EYS: variants seen among roughly 807,000 people sequenced by gnomAD.
The protein encoded by EYS is EGF-like photoreceptor maintenance factor.
Under a neutral mutation model 282.1 loss-of-function variants are expected in EYS, and 250 were observed. The observed-to-expected ratio is 0.89, with a 90% CI of 0.80 to 0.98. EYS has a LOEUF of 0.98. Among genes scored for constraint, EYS ranks in the 50% least tolerant of loss-of-function variants. The probability of loss-of-function intolerance (pLI) is 0.00; values close to 1 mark genes in which losing one functional copy is unlikely to be tolerated. For missense variants in EYS, 4,016 were observed against 3,709.0 expected, an observed-to-expected ratio of 1.08 and a Z score of -2.15; for synonymous variants, 1,355 against 1,282.9, an observed-to-expected ratio of 1.06 and a Z score of -1.20.
intron 29 of EYS, among the ~76,000 whole-genome samples, chr6:64,313,354 A>C: frequency 9.2e-6 from 1 of 108,448 alleles, no homozygotes; most frequent in East Asian, 2.5e-4. Flanking sequence ...AAAGAAATGA[A>C]CAAAGTCTCC....
intron 31 of EYS, among the ~76,000 whole-genome samples, chr6:64,198,507 T>G (rs1229294029): frequency 6.6e-6 from 1 of 152,036 alleles, no homozygotes; most frequent in Non-Finnish European, 1.5e-5. Context: ...CCCCTGGGTT[T>G]GATGTTCCCC....
intron 29 of EYS, among the ~76,000 whole-genome samples, chr6:64,362,215 T>C (rs961275215): frequency 9.2e-5 from 14 of 151,738 alleles, no homozygotes; most frequent in African/African-American, 1.9e-4. Context: ...CAGTAAGACA[T>C]AGAAAAATAA....
chr6:64,627,136 C>G (rs555849092), intron 22 of EYS, among the ~76,000 whole-genome samples: 1 of 152,150 alleles, frequency 6.6e-6, no homozygotes, highest in South Asian at 2.1e-4. Context: ...ACAGATTTGT[C>G]GAGTGCCTAC....
At chr6:65,295,521 T>C (rs930274962) in intron 12 of EYS, among the ~76,000 whole-genome samples, 11 of 151,906 alleles carry the variant, frequency 7.2e-5, no homozygotes, top group African/African-American at 2.7e-4. Context: ...AAACAAAAGG[T>C]TGAAATGCAG....
chr6:64,918,717 C>G (rs1768240719), intron 15 of EYS, among the ~76,000 whole-genome samples: 1 of 152,136 alleles, frequency 6.6e-6, no homozygotes, highest in Non-Finnish European at 1.5e-5. Flanking sequence ...GTGGGCTTCA[C>G]ATTCACTATT....
chr6:65,228,632 G>A lies in EYS; in HGVS notation c.2023+67231C>T, dbSNP rs1018915246. Reference sequence around the variant, plus strand: ...CTCCACAAATTGATCTACAGATTAAGTATAGTCCCAGTGAAAATCCTAGCA... The same window carrying A: ...CTCCACAAATTGATCTACAGATTAAATATAGTCCCAGTGAAAATCCTAGCA... On this transcript the variant is annotated intron_variant, in intron 12 of 42. Coordinates refer to ENST00000503581, the MANE Select transcript of EYS (RefSeq NM_001142800.2). Among the ~76,000 whole-genome samples, 5 of 152,102 alleles carry A rather than the reference G, an allele frequency of 3.3e-5. No individual in the cohort carries two copies. The East Asian group carries it at 5.8e-4, about 18-fold the overall frequency.
chr6:64,188,600 G>A (rs1030650480), intron 31 of EYS, among the ~76,000 whole-genome samples: 3 of 151,984 alleles, frequency 2.0e-5, no homozygotes, highest in Non-Finnish European at 4.4e-5. Context: ...GCATTAAATC[G>A]GATAATTTAG....
At chr6:65,243,337 A>G (rs2150277348) in intron 12 of EYS, among the ~76,000 whole-genome samples, 1 of 152,304 alleles carries the variant, frequency 6.6e-6, no homozygotes, top group East Asian at 1.9e-4. Flanking sequence ...TATACTGTCA[A>G]CTATCACAGC....
chr6:63,736,162 T>C (rs1411789280), intron 41 of EYS, among the ~76,000 whole-genome samples: 1 of 152,236 alleles, frequency 6.6e-6, no homozygotes, highest in Non-Finnish European at 1.5e-5. Context: ...TCCTTGCCCA[T>C]GCCTATGTCC....
At chr6:65,114,664 T>C (rs1775315702) in intron 12 of EYS, among the ~76,000 whole-genome samples, 1 of 151,920 alleles carries the variant, frequency 6.6e-6, no homozygotes, top group Non-Finnish European at 1.5e-5. Flanking sequence ...TTCTTTGTGG[T>C]ATGCTATTTC....
chr6:63,842,935 C>T (rs982960684), intron 36 of EYS, among the ~76,000 whole-genome samples: 2 of 152,158 alleles, frequency 1.3e-5, no homozygotes, highest in Admixed American at 1.3e-4. Context: ...GGTGTTATGT[C>T]TGAGGACTCT....
intron 29 of EYS, among the ~76,000 whole-genome samples, chr6:64,359,010 G>A (rs574318872): frequency 4.6e-5 from 7 of 151,400 alleles, no homozygotes; most frequent in Non-Finnish European, 7.4e-5. Flanking sequence ...TAAAAGTTTC[G>A]GGCATTTAAG....
At chr6:63,757,240 C>T (rs947797389) in intron 41 of EYS, among the ~76,000 whole-genome samples, 3 of 151,996 alleles carry the variant, frequency 2.0e-5, no homozygotes, top group African/African-American at 4.8e-5. Flanking sequence ...TATAAATGGC[C>T]GCTCTGGCAG....
At chr6:64,749,332 C>T (rs1454334418) in intron 22 of EYS, among the ~76,000 whole-genome samples, 11 of 152,050 alleles carry the variant, frequency 7.2e-5, no homozygotes, top group Admixed American at 2.0e-4. Flanking sequence ...TATTTAAGAC[C>T]TTGTTACAAC....
At chr6:63,763,394 T>TA in intron 40 of EYS, among the ~76,000 whole-genome samples, 1 of 152,168 alleles carries the variant, frequency 6.6e-6, no homozygotes, top group South Asian at 2.1e-4. Context: ...AATTTAAACA[T>TA]AAGTTAAATA....
At chr6:64,505,201 T>C (rs1777171646) in intron 26 of EYS, among the ~76,000 whole-genome samples, 1 of 152,216 alleles carries the variant, frequency 6.6e-6, no homozygotes, top group African/African-American at 2.4e-5. Context: ...TTCCCATAAC[T>C]TTTTCCTTTT....
At chr6:63,831,219 T>A (rs1452462279) in intron 36 of EYS, among the ~76,000 whole-genome samples, 1 of 152,166 alleles carries the variant, frequency 6.6e-6, no homozygotes, top group Non-Finnish European at 1.5e-5. Flanking sequence ...CATAACAATA[T>A]TAACCTTAAA....
At chr6:64,272,999 C>T (rs940533528) in intron 30 of EYS, among the ~76,000 whole-genome samples, 101 of 151,870 alleles carry the variant, frequency 6.7e-4, no homozygotes, top group African/African-American at 2.1e-3. Flanking sequence ...ATTTTCTTTT[C>T]GGTTTTCTAT....
chr6:64,002,441 A>G (rs1768140828), intron 33 of EYS, among the ~76,000 whole-genome samples: 1 of 152,194 alleles, frequency 6.6e-6, no homozygotes, highest in Non-Finnish European at 1.5e-5. Flanking sequence ...ATTAACACAC[A>G]AGCCATCCAC....
Sources: gnomAD v4.1 joint callset for allele counts (sites outside exome capture counted in the v4.1 genomes callset) on GRCh38, gnomAD v4.1.1 for gene constraint, MANE v1.5 for transcripts, NCBI Gene and HGNC (gene_info 2026-07-23, HGNC 2026-07-21) for gene names.